The following ZNF729 variants were observed in gnomAD, a reference collection of about 807,000 sequenced individuals.
The protein encoded by ZNF729 is zinc finger protein 729.
In ZNF729, 15 loss-of-function variants were observed where a neutral mutation model predicts 12.2. That is an observed-to-expected ratio of 1.23 (90% CI 0.82 to 1.89). The LOEUF (loss-of-function observed/expected upper bound fraction) is 1.89. ZNF729 is among the 40% of genes most tolerant of loss of function. The pLI, the probability that ZNF729 is intolerant of heterozygous loss-of-function variation, is 0.00. For synonymous variants in ZNF729, 492 were observed against 476.3 expected (o/e 1.03, Z -0.43); for missense variants, 1,540 against 1,456.7 (o/e 1.06, Z -0.93).
chr19:22,296,809 A>C (rs2145044820), intron 1 of ZNF729, among the ~76,000 whole-genome samples: 1 of 152,242 alleles, frequency 6.6e-6, no homozygotes, highest in African/African-American at 2.4e-5. Flanking sequence ...TCTTTGTTTC[A>C]AAAACTTTTA....
intron 1 of ZNF729, among the ~76,000 whole-genome samples, chr19:22,302,725 A>G (rs1481238564): frequency 1.3e-5 from 2 of 152,306 alleles, no homozygotes; most frequent in African/African-American, 4.8e-5. Flanking sequence ...GTTTAGATCC[A>G]CTGTTTTTGG....
chr19:22,299,589 T>C (rs186009544), intron 1 of ZNF729: 1 of 152,722 alleles, frequency 6.5e-6, no homozygotes, highest in African/African-American at 2.4e-5. Flanking sequence ...ATAATCTTGC[T>C]CAGACTGAGA....
intron 1 of ZNF729, among the ~76,000 whole-genome samples, chr19:22,302,440 T>G (rs796750402): frequency 1.3e-5 from 2 of 152,140 alleles, no homozygotes; most frequent in African/African-American, 4.8e-5. Flanking sequence ...ATGTCATCAC[T>G]TGAAGGGATG....
At chr19:22,304,549 T>G in intron 2 of ZNF729, 139 bp from the exon 3 acceptor site, 1 of 783,586 alleles carries the variant, frequency 1.3e-6, no homozygotes, top group Non-Finnish European at 1.9e-6. Flanking sequence ...TGAAAATACT[T>G]TCTAAATATT....
At chr19:22,286,939 T>A (rs2145036726) in intron 1 of ZNF729, among the ~76,000 whole-genome samples, 1 of 152,334 alleles carries the variant, frequency 6.6e-6, no homozygotes, top group African/African-American at 2.4e-5. Flanking sequence ...CCCTCTTTTC[T>A]TCTGTTAAAA....
Position 22,315,030 on chromosome 19 carries a change from A to G in ZNF729, c.1613A>G (p.His538Arg), listed in dbSNP as rs1191409642. ...SSTLRNHQII[H>R]TGEKPYKCEE... ...ACCCTTAGAAACCATCAGATAATTCATACTGGAGAGAAACCCTACAAATGT... is the reference window on the plus strand; with the variant it reads ...ACCCTTAGAAACCATCAGATAATTCGTACTGGAGAGAAACCCTACAAATGT... The change falls in exon 4 of 4, where the codon CAT (histidine) becomes CGT (arginine). Residue 538 changes from histidine (H) to arginine (R), a missense_variant. By Grantham distance (29) the His-to-Arg change is conservative (BLOSUM62 0). Transcript: ENST00000601693. 3 of 1,611,602 alleles carry G rather than the reference A, an allele frequency of 1.9e-6. No individual in the cohort carries two copies. The highest frequency in any genetic ancestry group is 1.7e-5 in the Admixed American group (1 of 59,960).
At chr19:22,294,657 C>CTTTTTTTTTTTTTTT (rs71180535) in intron 1 of ZNF729, among the ~76,000 whole-genome samples, 1 of 92,438 alleles carries the variant, frequency 1.1e-5, no homozygotes, top group Non-Finnish European at 2.3e-5. Flanking sequence ...TTTTCTTTTT[C>CTTTTTTTTTTTTTTT]TTTTTTTTTT....
chr19:22,314,040 A>G lies in ZNF729; in HGVS notation c.623A>G (p.Tyr208Cys), dbSNP rs1968485636. 3 of 1,541,820 alleles carry G rather than the reference A, an allele frequency of 1.9e-6. No homozygotes were observed. Among genetic ancestry groups the G allele is most frequent in the South Asian group, 1.2e-5 (1 of 82,828 alleles). The stretch of plus-strand genomic sequence containing the variant: ...AGAATTCATATTAGACAGAATATCT[A>G]CAAATGTGAAGAACGTGGCAAAGCC... Reference protein sequence around the residue: ...HKRIHIRQNIYKCEERGKAFK... With the variant: ...HKRIHIRQNICKCEERGKAFK... The change falls in exon 4 of 4, where the codon TAC (tyrosine) becomes TGC (cysteine). Residue 208 changes from tyrosine to cysteine, a missense_variant. Coordinates refer to ENST00000601693, the MANE Select transcript of ZNF729 (RefSeq NM_001242680.2).
At chr19:22,293,398 C>T (rs778649845) in intron 1 of ZNF729, among the ~76,000 whole-genome samples, 44 of 151,570 alleles carry the variant, frequency 2.9e-4, no homozygotes, top group South Asian at 4.2e-4. Context: ...GTTGGCCAGG[C>T]TGGTCTCAAA....
intron 1 of ZNF729, chr19:22,299,598 G>A (rs1968278572): frequency 6.6e-6 from 1 of 152,568 alleles, no homozygotes; most frequent in South Asian, 2.1e-4. Context: ...CTCAGACTGA[G>A]AGCTGTTTTT....
rs756113675 is a variant in ZNF729, at chr19:22,316,939, C to T, written c.3522C>T (p.His1174=). ...GCAAAGCCTTTAACCAGTCCTCACA[C>T]CTTACTAGACACAAAACAATTCATA... ...ECGKAFNQSS[H]LTRHKTIHTG... Residue 1174 remains histidine, a synonymous_variant, in exon 4 of 4, where the codon CAC becomes CAT. Coordinates refer to ENST00000601693, the MANE Select transcript of ZNF729 (RefSeq NM_001242680.2). 1 of 1,612,984 alleles carries T rather than the reference C, an allele frequency of 6.2e-7. No individual in the cohort carries two copies. Among genetic ancestry groups the T allele is most frequent in the Admixed American group, 1.7e-5 (1 of 60,004 alleles).
At chr19:22,313,632 C>A in intron 3 of ZNF729, 39 bp from the exon 4 acceptor site, 1 of 1,421,588 alleles carries the variant, frequency 7.0e-7, no homozygotes, top group Non-Finnish European at 9.2e-7. Context: ...TCATCTGAGT[C>A]TAGCAAGTGG....
At chr19:22,295,350 T>TA (rs1301063224) in intron 1 of ZNF729, among the ~76,000 whole-genome samples, 1 of 151,148 alleles carries the variant, frequency 6.6e-6, no homozygotes, top group Middle Eastern at 3.2e-3. Flanking sequence ...CCAATTCTCT[T>TA]AAATAGGAGC....
chr19:22,310,847 A>T (rs1968442312), intron 3 of ZNF729, among the ~76,000 whole-genome samples: 1 of 151,988 alleles, frequency 6.6e-6, no homozygotes, highest in Non-Finnish European at 1.5e-5. Context: ...GATGATTTTA[A>T]AATTACCATT....
intron 3 of ZNF729, among the ~76,000 whole-genome samples, chr19:22,304,993 C>A (rs1451348313): frequency 6.6e-6 from 1 of 152,164 alleles, no homozygotes; most frequent in African/African-American, 2.4e-5. Flanking sequence ...TTTTGGTGAT[C>A]TCCCTTCAAG....
Position 22,303,838 on chromosome 19 carries a change from A to G in ZNF729, c.111A>G (p.Leu37=), listed in dbSNP as rs1358795738. The G allele has an allele frequency of 1.9e-6, 3 of 1,575,068 alleles. No individual in the cohort carries two copies. Among genetic ancestry groups the G allele is most frequent in the Non-Finnish European group, 2.6e-6 (3 of 1,155,766 alleles). Reference sequence around the variant, plus strand: ...GCCTGGACACGGTTCAGCAGAATTTATATAGGGATGTGATGTTAGAGAACT... The same window carrying G: ...GCCTGGACACGGTTCAGCAGAATTTGTATAGGGATGTGATGTTAGAGAACT... ...WQCLDTVQQN[L]YRDVMLENYR... is the part of the protein sequence containing the mutation. The change falls in exon 2 of 4, where the codon TTA becomes TTG. Residue 37 remains leucine (L), a synonymous_variant. Transcript: ENST00000601693.
At chr19:22,294,044 T>G (rs952999328) in intron 1 of ZNF729, among the ~76,000 whole-genome samples, 2 of 152,224 alleles carry the variant, frequency 1.3e-5, no homozygotes, top group African/African-American at 4.8e-5. Flanking sequence ...TCTTTGTTAG[T>G]TCCCATGTCT....
chr19:22,316,052 C>A lies in ZNF729; in HGVS notation c.2635C>A (p.Pro879Thr). The change falls in exon 4 of 4, where the codon CCA becomes ACA. Residue 879 changes from proline (P) to threonine (T), a missense_variant. By Grantham distance (38) the Pro-to-Thr change is conservative. Coordinates refer to ENST00000601693, the MANE Select transcript of ZNF729 (RefSeq NM_001242680.2). ...TGAGATAATTCATAGTGGAGAGAAA[C>A]CATACAAATGTGAAGAATGTGGTAA... is the stretch of plus-strand genomic sequence containing the variant. ...KHEIIHSGEK[P>T]YKCEECGKAF... 6.2e-7 allele frequency: 1 copy of A among 1,610,290 alleles called. No homozygotes were observed. Among genetic ancestry groups the A allele is most frequent in the Non-Finnish European group, 8.5e-7 (1 of 1,179,520 alleles).
At chr19:22,301,040 T>G (rs1968298028) in intron 1 of ZNF729, among the ~76,000 whole-genome samples, 1 of 151,852 alleles carries the variant, frequency 6.6e-6, no homozygotes, top group Non-Finnish European at 1.5e-5. Context: ...CTCTTTTTGT[T>G]TTTTGAACTA....
Sources: allele counts gnomAD v4.1 joint callset (sites outside exome capture counted in the v4.1 genomes callset), GRCh38; gene constraint gnomAD v4.1.1; transcripts MANE v1.5; gene names NCBI Gene and HGNC (gene_info 2026-07-23, HGNC 2026-07-21).